Variants in MAGI1 observed in about 807,000 individuals in gnomAD.
MAGI1 encodes membrane associated guanylate kinase, WW and PDZ domain containing 1, also known as membrane-associated guanylate kinase, WW and PDZ domain-containing protein 1.
Under a neutral mutation model 139.9 loss-of-function variants are expected in MAGI1, and 58 were observed. The observed-to-expected ratio is 0.41, with a 90% CI of 0.34 to 0.52. The LOEUF is 0.52. Among genes scored for constraint, MAGI1 ranks in the 20% least tolerant of loss-of-function variants. The pLI is 0.12. For missense variants in MAGI1, 1,874 were observed against 1,901.6 expected (o/e 0.99, Z 0.27); for synonymous variants, 812 against 737.9 (o/e 1.10, Z -1.63).
intron 22 of MAGI1, chr3:65,359,737 G>A: frequency 1.0e-6 from 1 of 985,666 alleles, no homozygotes; most frequent in Non-Finnish European, 1.2e-6. Flanking sequence ...ACCCTTCTTG[G>A]AAAACCATGT....
intron 1 of MAGI1, among the ~76,000 whole-genome samples, chr3:65,824,159 T>C (rs2042098189): frequency 6.6e-6 from 1 of 152,200 alleles, no homozygotes; most frequent in Non-Finnish European, 1.5e-5. Flanking sequence ...ATAAAAGTTA[T>C]TTTGCCACGT....
intron 1 of MAGI1, among the ~76,000 whole-genome samples, chr3:65,640,665 G>GT: frequency 6.6e-6 from 1 of 152,186 alleles, no homozygotes; most frequent in Non-Finnish European, 1.5e-5. Context: ...ATTGTTGTAT[G>GT]TTTATTCACA....
chr3:65,963,120 T>C (rs1362878302), intron 1 of MAGI1, among the ~76,000 whole-genome samples: 1 of 146,240 alleles, frequency 6.8e-6, no homozygotes, highest in Non-Finnish European at 1.5e-5. Flanking sequence ...TGCCTGAGCT[T>C]AGGAGTTCGA....
chr3:65,518,725 A>G (rs1207635207), intron 2 of MAGI1, among the ~76,000 whole-genome samples: 2 of 152,170 alleles, frequency 1.3e-5, no homozygotes, highest in Admixed American at 6.5e-5. Flanking sequence ...TATGTACTAA[A>G]CACATACTAT....
intron 1 of MAGI1, among the ~76,000 whole-genome samples, chr3:65,893,041 C>T (rs759314841): frequency 1.8e-4 from 27 of 152,216 alleles, no homozygotes; most frequent in Non-Finnish European, 2.8e-4. Context: ...ATTTCAGGGA[C>T]GATAAAAATT....
intron 1 of MAGI1, among the ~76,000 whole-genome samples, chr3:65,766,207 G>C (rs956412053): frequency 6.6e-6 from 1 of 152,190 alleles, no homozygotes; most frequent in African/African-American, 2.4e-5. Flanking sequence ...TTTGGGTAAA[G>C]TGGGGGATAC....
intron 14 of MAGI1, among the ~76,000 whole-genome samples, chr3:65,390,924 G>C (rs568269111): frequency 1.3e-5 from 2 of 152,252 alleles, no homozygotes; most frequent in South Asian, 2.1e-4. Context: ...GCATTTATGT[G>C]ATAACCATCC....
rs1940183721 is a variant in MAGI1, at chr3:65,356,164, T to A, written c.*214A>T. On this transcript the variant is annotated 3_prime_UTR_variant, in exon 23 of 23. Coordinates refer to ENST00000402939, the MANE Select transcript of MAGI1 (RefSeq NM_001033057.2). ...CAAATAATTTCCAAAAAAGTATGCA[T>A]TTAAAAATACTTTCTTTAATATGAT... 2 of 440,034 alleles carry A rather than the reference T, an allele frequency of 4.5e-6. No individual in the cohort carries two copies. Among genetic ancestry groups the A allele is most frequent in the Non-Finnish European group, 7.5e-6 (2 of 264,918 alleles). 27.3% of individuals were successfully genotyped at this position (440,034 alleles called of 1,614,324 possible).
At position 65,798,726 on chromosome 3, in the gene MAGI1, G is replaced by C. The variant is rs544413660; in HGVS notation, c.314-176638C>G. ...ATTATCCACGGCTTCGCTTTCTGCAGTTTCAGTTACCTACGGTCAACCACA... is the reference window on the plus strand; with the variant it reads ...ATTATCCACGGCTTCGCTTTCTGCACTTTCAGTTACCTACGGTCAACCACA... On this transcript the variant is annotated intron_variant, in intron 1 of 22. Coordinates refer to ENST00000402939, the MANE Select transcript of MAGI1 (RefSeq NM_001033057.2). Among the ~76,000 whole-genome samples, 13 of 152,298 alleles carry C rather than the reference G, an allele frequency of 8.5e-5. No individual in the cohort carries two copies. The South Asian group carries it at 2.7e-3, about 32-fold the overall frequency.
intron 1 of MAGI1, among the ~76,000 whole-genome samples, chr3:65,842,785 C>T (rs902941692): frequency 3.2e-4 from 49 of 152,286 alleles, no homozygotes; most frequent in Non-Finnish European, 4.4e-5. Context: ...GCCAACAGGG[C>T]GCTTCTCCTG....
At chr3:65,678,451 G>A (rs1042881149) in intron 1 of MAGI1, among the ~76,000 whole-genome samples, 2 of 152,002 alleles carry the variant, frequency 1.3e-5, no homozygotes, top group Admixed American at 6.6e-5. Context: ...ATTAAATCAA[G>A]CTTTGTTGCT....
At chr3:65,634,772 A>T (rs189601261) in intron 1 of MAGI1, among the ~76,000 whole-genome samples, 36 of 152,282 alleles carry the variant, frequency 2.4e-4, no homozygotes, top group Admixed American at 2.0e-3. Flanking sequence ...CAGCTAAGGG[A>T]ATGTTGACTA....
intron 1 of MAGI1, among the ~76,000 whole-genome samples, chr3:65,921,192 T>G (rs1272221132): frequency 6.6e-6 from 1 of 152,218 alleles, no homozygotes; most frequent in Non-Finnish European, 1.5e-5. Flanking sequence ...TAACAATGTT[T>G]GCCATGTTGG....
rs952326091 is a variant in MAGI1 at position 65,772,691 on chromosome 3, T to C, written c.314-150603A>G. The stretch of plus-strand genomic sequence containing the variant: ...ACAGCATAAGGATAAGCTTCATAAA[T>C]CAGGAAGCTAACAAACTTCAGGCTC... On this transcript the variant is annotated intron_variant, in intron 1 of 22. Transcript: ENST00000402939. Among the ~76,000 whole-genome samples, 3 of 152,248 alleles carry C rather than the reference T, an allele frequency of 2.0e-5. No individual in the cohort carries two copies. In the East Asian group the frequency reaches 5.8e-4, roughly 29 times the overall value.
intron 18 of MAGI1, among the ~76,000 whole-genome samples, chr3:65,372,756 C>T (rs1942126558): frequency 6.6e-6 from 1 of 152,216 alleles, no homozygotes; most frequent in African/African-American, 2.4e-5. Context: ...CTTGCTGCTT[C>T]CCCTTATACT....
chr3:65,955,871 GT>G (rs950334931), intron 1 of MAGI1, among the ~76,000 whole-genome samples: 3 of 151,982 alleles, frequency 2.0e-5, no homozygotes, highest in African/African-American at 7.3e-5. Flanking sequence ...TGTTCTGTTT[GT>G]TTTCGGTGGA....
chr3:65,437,322 TTAA>T, intron 9 of MAGI1, 75 bp from the exon 10 acceptor site: 1 of 909,622 alleles, frequency 1.1e-6, no homozygotes, highest in Non-Finnish European at 1.8e-6. Flanking sequence ...CACCTTATTA[TTAA>T]TAATACTCAA....
chr3:66,013,689 A>C (rs1364170166), intron 1 of MAGI1, among the ~76,000 whole-genome samples: 1 of 150,202 alleles, frequency 6.7e-6, no homozygotes, highest in Admixed American at 6.6e-5. Flanking sequence ...TGAACCCAGG[A>C]CGTGAGGCTT....
At chr3:65,367,010 C>A (rs192718319) in intron 18 of MAGI1, among the ~76,000 whole-genome samples, 395 of 152,248 alleles carry the variant, frequency 2.6e-3, no homozygotes, top group Non-Finnish European at 4.2e-3. Context: ...ATAGGACAAA[C>A]AAGCTGTATA....
Sources: gnomAD v4.1 joint callset for allele counts (sites outside exome capture counted in the v4.1 genomes callset) on GRCh38, gnomAD v4.1.1 for gene constraint, MANE v1.5 for transcripts, NCBI Gene and HGNC (gene_info 2026-07-23, HGNC 2026-07-21) for gene names.